The following SAMHD1 variants were observed in gnomAD, a reference collection of about 807,000 sequenced individuals.
The protein encoded by SAMHD1 is SAM and HD domain containing deoxynucleoside triphosphate triphosphohydrolase 1.
SAMHD1 carries 54 observed loss-of-function variants against 79.6 expected under a neutral mutation model. The ratio of observed to expected loss-of-function variants is 0.68; its 90% CI spans 0.55 to 0.85. The LOEUF (loss-of-function observed/expected upper bound fraction) is 0.85. Among genes scored for constraint, SAMHD1 ranks in the 40% least tolerant of loss-of-function variants. SAMHD1 has a pLI of 0.00. For missense variants in SAMHD1, 663 were observed against 782.7 expected (o/e 0.85, Z 1.82); for synonymous variants, 260 against 264.1 (o/e 0.98, Z 0.15).
At chr20:36,904,053 G>C in intron 13 of SAMHD1, 104 bp downstream of exon 13, 1 of 553,016 alleles carries the variant, frequency 1.8e-6, no homozygotes, top group Non-Finnish European at 3.4e-6. Flanking sequence ...TCATCTTTCT[G>C]TATTTTTCTA....
chr20:36,909,680 CAAAAAAAAAAA>C (rs56389967), intron 11 of SAMHD1, among the ~76,000 whole-genome samples: 79,426 of 122,622 alleles, frequency 0.65, 24,389 homozygotes, highest in South Asian at 0.78. Context: ...CACCCCCCTC[CAAAAAAAAAAA>C]AAAAAAAAAA....
At chr20:36,940,147 C>CA (rs938242003) in intron 3 of SAMHD1, 15 of 143,804 alleles carry the variant, frequency 1.0e-4, no homozygotes, top group Non-Finnish European at 2.1e-4. Context: ...GCAGAGGTTG[C>CA]AGTGAGACAA....
chr20:36,935,160 A>T lies in SAMHD1; in HGVS notation c.378T>A (p.Ile126=). Residue 126 remains isoleucine, a synonymous_variant, in exon 4 of 16, where the codon ATT becomes ATA. Transcript: ENST00000646673. ...TTCGGACGAGGAGAGGGTGGAGCTC[A>T]ATGTGGCCATGGATAGGATCATTAA... ...KVINDPIHGH[I]ELHPLLVRII... 1.9e-6 allele frequency: 3 copies of T among 1,613,700 alleles called. No homozygotes were observed. Among genetic ancestry groups the T allele is most frequent in the Non-Finnish European group, 2.5e-6 (3 of 1,179,596 alleles).
chr20:36,898,834 C>G (rs773424697), intron 13 of SAMHD1, among the ~76,000 whole-genome samples: 11 of 149,466 alleles, frequency 7.4e-5, no homozygotes, highest in Non-Finnish European at 1.5e-4. Flanking sequence ...ATTGTTTGAA[C>G]CTGGGAGATG....
rs568050684 is a variant in SAMHD1 at position 36,934,019 on chromosome 20, C to T, written c.509+1010G>A. Among the ~76,000 whole-genome samples, 16 of 151,250 alleles carry T rather than the reference C, an allele frequency of 1.1e-4. No homozygotes were observed. In the East Asian group the frequency reaches 3.2e-3, roughly 30 times the overall value. ...TGAGATCGTGCCATTGCACTCCAGCCTGGGCGACGGAGTGAGACTCCATCT... is the reference window on the plus strand; with the variant it reads ...TGAGATCGTGCCATTGCACTCCAGCTTGGGCGACGGAGTGAGACTCCATCT... On this transcript the variant is annotated intron_variant, in intron 4 of 15. Transcript: ENST00000646673.
intron 5 of SAMHD1, among the ~76,000 whole-genome samples, chr20:36,928,220 T>C (rs572864990): frequency 6.7e-6 from 1 of 149,484 alleles, no homozygotes; most frequent in East Asian, 2.0e-4. Context: ...AAACCCTGTC[T>C]CTACTAAAAA....
chr20:36,945,826 G>A (rs543115329), intron 2 of SAMHD1, among the ~76,000 whole-genome samples: 1 of 152,064 alleles, frequency 6.6e-6, no homozygotes, highest in East Asian at 1.9e-4. Flanking sequence ...CAGGAGAATG[G>A]CTTGAACCCA....
At chr20:36,912,324 C>T (rs2063445311) in intron 10 of SAMHD1, 137 bp downstream of exon 10, 1 of 662,888 alleles carries the variant, frequency 1.5e-6, no homozygotes, top group Non-Finnish European at 2.7e-6. Context: ...GATTTTTTTT[C>T]TTTAAGGAAA....
chr20:36,937,140 CAAAAA>C (rs11286688), intron 3 of SAMHD1, among the ~76,000 whole-genome samples: 4 of 117,642 alleles, frequency 3.4e-5, no homozygotes, highest in Admixed American at 8.8e-5. Flanking sequence ...GACTCTATCT[CAAAAA>C]AAAAAAAAAA....
At chr20:36,900,606 C>T (rs1421005530) in intron 13 of SAMHD1, among the ~76,000 whole-genome samples, 2 of 144,480 alleles carry the variant, frequency 1.4e-5, no homozygotes, top group Admixed American at 7.1e-5. Context: ...GTTTCTGTGT[C>T]GCCAGGCTGG....
At chr20:36,895,013 C>T (rs534447318) in intron 15 of SAMHD1, among the ~76,000 whole-genome samples, 2 of 151,980 alleles carry the variant, frequency 1.3e-5, no homozygotes, top group Non-Finnish European at 2.9e-5. Context: ...GCTAGGATTA[C>T]AGATATGAGC....
At chr20:36,925,735 C>G (rs2063532234) in intron 6 of SAMHD1, among the ~76,000 whole-genome samples, 1 of 152,070 alleles carries the variant, frequency 6.6e-6, no homozygotes, top group Non-Finnish European at 1.5e-5. Context: ...GTACAAAGTA[C>G]AGGAAATAGT....
intron 11 of SAMHD1, among the ~76,000 whole-genome samples, chr20:36,905,782 C>T (rs1249526287): frequency 6.6e-6 from 1 of 152,026 alleles, no homozygotes; most frequent in Non-Finnish European, 1.5e-5. Context: ...ACCAGCCTGT[C>T]CAACATGGTG....
At chr20:36,897,631 C>G in intron 15 of SAMHD1, 191 bp downstream of exon 15, 1 of 660,522 alleles carries the variant, frequency 1.5e-6, no homozygotes, top group Non-Finnish European at 2.6e-6. Flanking sequence ...ATTCCCAACT[C>G]CTGTAGGAAG....
chr20:36,903,039 T>C (rs2063383927), intron 13 of SAMHD1, among the ~76,000 whole-genome samples: 2 of 151,890 alleles, frequency 1.3e-5, no homozygotes, highest in Non-Finnish European at 2.9e-5. Context: ...TCACTCGGCC[T>C]ACACGTGGAG....
chr20:36,934,028 G>A lies in SAMHD1; in HGVS notation c.509+1001C>T, dbSNP rs557636673. 2.4e-3 allele frequency among the ~76,000 whole-genome samples: 365 copies of A among 151,362 alleles called. 1 individual carries two copies. The highest frequency in any genetic ancestry group is 4.0e-3 in the Non-Finnish European group (270 of 67,824). On this transcript the variant is annotated intron_variant, in intron 4 of 15. Coordinates refer to ENST00000646673, the MANE Select transcript of SAMHD1 (RefSeq NM_015474.4). Reference sequence around the variant, plus strand: ...GCCATTGCACTCCAGCCTGGGCGACGGAGTGAGACTCCATCTCAAAAAAAA... The same window carrying A: ...GCCATTGCACTCCAGCCTGGGCGACAGAGTGAGACTCCATCTCAAAAAAAA...
intron 9 of SAMHD1, among the ~76,000 whole-genome samples, chr20:36,912,885 C>CTTTT (rs1374227156): frequency 5.5e-3 from 45 of 8,136 alleles, no homozygotes; most frequent in African/African-American, 0.014. Flanking sequence ...AACTTTCATT[C>CTTTT]TTTGTTTTTT....
chr20:36,934,517 C>CAAAAAAAAAAA (rs35696057), intron 4 of SAMHD1: 1 of 53,986 alleles, frequency 1.9e-5, no homozygotes, highest in African/African-American at 7.2e-5. Context: ...GACTCTGTCT[C>CAAAAAAAAAAA]AAAAAAAAAA....
chr20:36,917,250 G>T (rs1375206115), intron 7 of SAMHD1: 3 of 584,040 alleles, frequency 5.1e-6, no homozygotes, highest in Non-Finnish European at 9.1e-6. Context: ...TAAGGTATAT[G>T]ATACCCTATT....
Sources: allele counts gnomAD v4.1 joint callset (sites outside exome capture counted in the v4.1 genomes callset), GRCh38; gene constraint gnomAD v4.1.1; transcripts MANE v1.5; gene names NCBI Gene and HGNC (gene_info 2026-07-23, HGNC 2026-07-21).